TTC34: variants seen among roughly 807,000 people sequenced by gnomAD.
The protein encoded by TTC34 is tetratricopeptide repeat domain 34, also known as tetratricopeptide repeat protein 34.
A neutral mutation model predicts 40.7 loss-of-function variants in TTC34; 44 were observed. The ratio of observed to expected loss-of-function variants is 1.08; its 90% CI spans 0.85 to 1.39. The LOEUF (loss-of-function observed/expected upper bound fraction) is 1.39. Among genes scored for constraint, TTC34 ranks in the 40% most tolerant of loss-of-function variants. The probability of loss-of-function intolerance (pLI) is 0.00; values close to 1 mark genes in which losing one functional copy is unlikely to be tolerated. For synonymous variants in TTC34, 422 were observed against 398.6 expected (o/e 1.06, Z -0.70); for missense variants, 884 against 838.0 (o/e 1.05, Z -0.68).
Position 2,796,918 on chromosome 1 carries a change from C to T in TTC34, c.784+3126G>A, listed in dbSNP as rs1435311787. On this transcript the variant is annotated intron_variant, in intron 2 of 8. Transcript: ENST00000401095. This position sits in a 1 kb window ranked among gnomAD's most constrained non-coding sequence, Gnocchi z 4.5. The stretch of plus-strand genomic sequence containing the variant: ...CACCAAGAACCTCGGCACCACACGC[C>T]CAACGCACACTCCTTGTCCTCTCCT... 1.3e-5 allele frequency among the ~76,000 whole-genome samples: 2 copies of T among 152,198 alleles called. No individual in the cohort carries two copies. Among genetic ancestry groups the T allele is most frequent in the African/African-American group, 4.8e-5 (2 of 41,444 alleles).
In TTC34 at chr1:2,796,383, C is replaced by T. The variant is rs1361152786; in HGVS notation, c.784+3661G>A. Among the ~76,000 whole-genome samples the T allele has an allele frequency of 6.6e-6, 1 of 152,216 alleles. No individual in the cohort carries two copies. Among genetic ancestry groups the T allele is most frequent in the Non-Finnish European group, 1.5e-5 (1 of 68,034 alleles). Reference sequence around the variant, plus strand: ...TCTTCTCTTCTCATCGTAAGCCATGCTTGTGCTGGTGCTGGCGATGTGGGG... The same window carrying T: ...TCTTCTCTTCTCATCGTAAGCCATGTTTGTGCTGGTGCTGGCGATGTGGGG... On this transcript the variant is annotated intron_variant, in intron 2 of 8. Coordinates refer to ENST00000401095, the Ensembl canonical transcript of TTC34. This position sits in a 1 kb window ranked among gnomAD's most constrained non-coding sequence, Gnocchi z 4.5.
At chr1:2,768,412 C>G (rs1158921673) in intron 6 of TTC34, among the ~76,000 whole-genome samples, 1 of 151,766 alleles carries the variant, frequency 6.6e-6, no homozygotes, top group Non-Finnish European at 1.5e-5. Context: ...GAACAACACC[C>G]TCCACCCCCA....
intron 6 of TTC34, among the ~76,000 whole-genome samples, chr1:2,653,631 C>T (rs1479430234): frequency 1.8e-4 from 28 of 151,428 alleles, no homozygotes; most frequent in South Asian, 6.3e-4. Context: ...CATCTGACAG[C>T]CTGGAGCAGC....
chr1:2,749,417 C>A (rs1172345953), intron 6 of TTC34, among the ~76,000 whole-genome samples: 1 of 96,022 alleles, frequency 1.0e-5, no homozygotes, highest in Non-Finnish European at 2.0e-5. Context: ...CAGGTGCGCA[C>A]GTGACAGCCT....
At chr1:2,768,130 A>G (rs1263982903) in intron 6 of TTC34, among the ~76,000 whole-genome samples, 2 of 151,490 alleles carry the variant, frequency 1.3e-5, no homozygotes, top group Non-Finnish European at 2.9e-5. Flanking sequence ...CTGCACACTT[A>G]GGTAAGAATC....
At chr1:2,772,542 C>A (rs1321797797) in intron 6 of TTC34, among the ~76,000 whole-genome samples, 1 of 11,158 alleles carries the variant, frequency 9.0e-5, no homozygotes, top group African/African-American at 2.4e-4. Context: ...CCCAGGTGAG[C>A]ATCTCACAGC....
chr1:2,781,872 T>C (rs1643489411), intron 6 of TTC34, among the ~76,000 whole-genome samples: 1 of 152,238 alleles, frequency 6.6e-6, no homozygotes, highest in Admixed American at 6.5e-5. Context: ...TCTCACTTGG[T>C]CACGTGTGTC....
chr1:2,685,241 C>A (rs1392367129), intron 6 of TTC34, among the ~76,000 whole-genome samples: 34 of 4,446 alleles, frequency 7.6e-3, no homozygotes, highest in South Asian at 0.011. Flanking sequence ...ACCCACACCC[C>A]AGGTGAGCAT....
chr1:2,751,866 G>C (rs1174359867), intron 6 of TTC34, among the ~76,000 whole-genome samples: 1 of 109,340 alleles, frequency 9.1e-6, no homozygotes, highest in Non-Finnish European at 1.8e-5. Context: ...GTGAGCATCC[G>C]ACAGCCTGGA....
At chr1:2,637,418 G>C (rs1638815174) in exon 9 of TTC34, 1 of 152,232 alleles carries the variant, frequency 6.6e-6, no homozygotes, top group African/African-American at 2.4e-5. Context: ...TCTGCCTCCT[G>C]TCACTATCAA....
At position 2,796,214 on chromosome 1, in the gene TTC34, C is replaced by T. The variant is rs575330615; in HGVS notation, c.784+3830G>A. On this transcript the variant is annotated intron_variant, in intron 2 of 8. Transcript: ENST00000401095. The surrounding 1 kb of genome is among the most constrained non-coding windows in gnomAD (Gnocchi z 4.5). ...TTTCTACTCATTATGGATCACCCAG[C>T]CCGTGGCATTCTGTCACAGCAGCAC... is the stretch of plus-strand genomic sequence containing the variant. Among the ~76,000 whole-genome samples, 232 of 152,294 alleles carry T rather than the reference C, an allele frequency of 1.5e-3. 1 individual carries two copies. The Middle Eastern group carries it at 0.037, about 25-fold the overall frequency.
chr1:2,754,797 C>T (rs1641450340), intron 6 of TTC34, among the ~76,000 whole-genome samples: 2 of 151,722 alleles, frequency 1.3e-5, no homozygotes, highest in African/African-American at 4.9e-5. Context: ...GAGCATCTGA[C>T]AGCCTGGAAC....
chr1:2,651,162 G>C (rs1446820527), intron 6 of TTC34, among the ~76,000 whole-genome samples: 1 of 151,326 alleles, frequency 6.6e-6, no homozygotes, highest in African/African-American at 2.4e-5. Context: ...CACCAGGTGA[G>C]CACTTCACAG....
intron 6 of TTC34, among the ~76,000 whole-genome samples, chr1:2,684,800 C>T (rs1254225330): frequency 3.8e-5 from 5 of 130,924 alleles, no homozygotes; most frequent in African/African-American, 1.4e-4. Context: ...CCCACACCCC[C>T]AGGTGAGCAT....
chr1:2,787,467 C>T lies in TTC34; in HGVS notation c.1854+14G>A, dbSNP rs933409866. ...ATTTCCACCTGCCCTCTGTCACCCC[C>T]CAGGCCTCCTCACCTGGTTGGCGTC... On this transcript the variant is annotated intron_variant, in intron 4 of 8. Transcript: ENST00000401095. The T allele has an allele frequency of 6.8e-7, 1 of 1,466,784 alleles. No homozygotes were observed. Among genetic ancestry groups the T allele is most frequent in the Non-Finnish European group, 9.1e-7 (1 of 1,102,534 alleles). The allele number at this position is 1,466,784 out of a possible 1,614,324, so 90.9% of individuals were successfully genotyped here.
At chr1:2,675,085 A>T (rs1639850375) in intron 6 of TTC34, among the ~76,000 whole-genome samples, 1 of 125,708 alleles carries the variant, frequency 8.0e-6, no homozygotes, top group East Asian at 2.2e-4. Flanking sequence ...CCACACACCC[A>T]GGCGAGCATC....
intron 6 of TTC34, among the ~76,000 whole-genome samples, chr1:2,686,740 ACAGCC>A (rs1640371585): frequency 6.9e-6 from 1 of 145,224 alleles, no homozygotes; most frequent in Non-Finnish European, 1.5e-5. Context: ...CGAGCATCTG[ACAGCC>A]TGGAACGGCA....
At chr1:2,642,781 G>A (rs1638934120) in intron 8 of TTC34, among the ~76,000 whole-genome samples, 1 of 152,200 alleles carries the variant, frequency 6.6e-6, no homozygotes, top group Admixed American at 6.5e-5. Flanking sequence ...ACCCCGCCAG[G>A]CTTGGCCGCA....
At chr1:2,759,454 G>C (rs1324381607) in intron 6 of TTC34, among the ~76,000 whole-genome samples, 2 of 97,100 alleles carry the variant, frequency 2.1e-5, no homozygotes, top group African/African-American at 8.5e-5. Context: ...GCGAGCATCT[G>C]ACAGCCTGGA....
Sources: allele counts gnomAD v4.1 joint callset (sites outside exome capture counted in the v4.1 genomes callset), GRCh38; gene constraint gnomAD v4.1.1; non-coding constraint Gnocchi (gnomAD v3.1); transcripts MANE v1.5; gene names NCBI Gene and HGNC (gene_info 2026-07-23, HGNC 2026-07-21).